ANKRD33B: variants seen among roughly 807,000 people sequenced by gnomAD.
ANKRD33B encodes the protein ankyrin repeat domain-containing protein 33B.
In ANKRD33B, 6 loss-of-function variants were observed where a neutral mutation model predicts 21.5. The observed-to-expected ratio is 0.28, with a 90% CI of 0.15 to 0.55. ANKRD33B has a LOEUF of 0.55. Among genes scored for constraint, ANKRD33B ranks in the 20% least tolerant of loss-of-function variants. ANKRD33B has a pLI of 0.94. For missense variants in ANKRD33B, 698 were observed against 747.2 expected, an observed-to-expected ratio of 0.93 and a Z score of 0.77; for synonymous variants, 347 against 342.4, an observed-to-expected ratio of 1.01 and a Z score of -0.15.
intron 2 of ANKRD33B, chr5:10,627,391 G>A (rs147714790): frequency 6.6e-6 from 1 of 152,214 alleles, no homozygotes; most frequent in Non-Finnish European, 1.5e-5. Flanking sequence ...CTTGTTTTGG[G>A]TATAAGGAAC....
chr5:10,574,487 A>C (rs1735273201), intron 1 of ANKRD33B, among the ~76,000 whole-genome samples: 1 of 152,238 alleles, frequency 6.6e-6, no homozygotes, highest in Non-Finnish European at 1.5e-5. Flanking sequence ...AAAGTAATAA[A>C]AATATTACAT....
At chr5:10,610,089 A>G (rs1175993342) in intron 1 of ANKRD33B, among the ~76,000 whole-genome samples, 1 of 152,236 alleles carries the variant, frequency 6.6e-6, no homozygotes, top group Admixed American at 6.5e-5. Flanking sequence ...AAGTGAAAAC[A>G]CAATAACAAT....
rs190733757 is a variant in ANKRD33B, at chr5:10,598,157, G to A, written c.367-20176G>A. 2.0e-4 allele frequency among the ~76,000 whole-genome samples: 30 copies of A among 152,250 alleles called. No individual in the cohort carries two copies. In the East Asian group the frequency reaches 2.9e-3, roughly 15 times the overall value. Reference sequence around the variant, plus strand: ...GGATGTGACCACCCCATTCAGTGGCGTCATCTCTACCTAGTGACTCCTAGG... The same window carrying A: ...GGATGTGACCACCCCATTCAGTGGCATCATCTCTACCTAGTGACTCCTAGG... On this transcript the variant is annotated intron_variant, in intron 1 of 3. Transcript: ENST00000296657.
chr5:10,574,813 C>G (rs1252687387), intron 1 of ANKRD33B, among the ~76,000 whole-genome samples: 1 of 151,280 alleles, frequency 6.6e-6, no homozygotes, highest in Non-Finnish European at 1.5e-5. Context: ...GCTGCAGTGG[C>G]TCACACCTGT....
chr5:10,644,690 G>C (rs896069888), intron 3 of ANKRD33B, among the ~76,000 whole-genome samples: 4 of 152,184 alleles, frequency 2.6e-5, no homozygotes, highest in African/African-American at 9.7e-5. Flanking sequence ...CCATATAGAG[G>C]TTTCTTTCTG....
rs999095729 is a variant in ANKRD33B at position 10,657,376 on chromosome 5, G to A, written c.*7263G>A. On this transcript the variant is annotated 3_prime_UTR_variant, in exon 4 of 4. Transcript: ENST00000296657. ...GAACAGATTCCTGCACAGGGTGCCAGGTTTCAAGTTAGGTCCTCTTAGTAT... is the reference window on the plus strand; with the variant it reads ...GAACAGATTCCTGCACAGGGTGCCAAGTTTCAAGTTAGGTCCTCTTAGTAT... 50 of 152,446 alleles carry A rather than the reference G, an allele frequency of 3.3e-4. No homozygotes were observed. The highest frequency in any genetic ancestry group is 1.2e-3 in the African/African-American group (50 of 41,570). 9.4% of individuals were successfully genotyped at this position (152,446 alleles called of 1,614,324 possible).
chr5:10,607,402 C>T (rs1287521373), intron 1 of ANKRD33B, among the ~76,000 whole-genome samples: 1 of 152,214 alleles, frequency 6.6e-6, no homozygotes, highest in Non-Finnish European at 1.5e-5. Context: ...CGTCCACCGT[C>T]TCTCGAAACT....
chr5:10,637,455 C>CACACACACACACAT (rs1736896575), intron 2 of ANKRD33B, among the ~76,000 whole-genome samples: 1 of 147,218 alleles, frequency 6.8e-6, no homozygotes, highest in Non-Finnish European at 1.5e-5. Flanking sequence ...CACACACACA[C>CACACACACACACAT]ACACACACGG....
intron 2 of ANKRD33B, among the ~76,000 whole-genome samples, chr5:10,637,653 C>T (rs752782746): frequency 8.6e-5 from 13 of 152,040 alleles, no homozygotes; most frequent in Non-Finnish European, 1.3e-4. Context: ...TTTGCACGGG[C>T]GTCTCCTGCT....
intron 2 of ANKRD33B, among the ~76,000 whole-genome samples, chr5:10,622,803 A>T (rs73744116): frequency 0.3 from 18,998 of 63,994 alleles, 1,859 homozygotes; most frequent in Non-Finnish European, 0.33. Context: ...GCTTTATTTT[A>T]TTTTATTTTT....
At chr5:10,597,557 C>T (rs928238818) in intron 1 of ANKRD33B, among the ~76,000 whole-genome samples, 1 of 152,138 alleles carries the variant, frequency 6.6e-6, no homozygotes, top group Admixed American at 6.5e-5. Flanking sequence ...TTGTAGAGAC[C>T]TACAAAGAGA....
In ANKRD33B at chr5:10,617,380, A is replaced by G. The variant is rs562113028; in HGVS notation, c.367-953A>G. ...TCCCACATCCTGTCGCTCTCATTTG[A>G]TGGCAACTGCATCCTCTCAGCTGCT... On this transcript the variant is annotated intron_variant, in intron 1 of 3. Transcript: ENST00000296657. Among the ~76,000 whole-genome samples the G allele has an allele frequency of 6.0e-4, 92 of 152,230 alleles. 2 individuals carry two copies. The South Asian group carries it at 0.018, about 30-fold the overall frequency.
intron 1 of ANKRD33B, among the ~76,000 whole-genome samples, chr5:10,591,981 T>C (rs4701874): frequency 0.56 from 85,082 of 151,478 alleles, 24,370 homozygotes; most frequent in East Asian, 0.7. Flanking sequence ...TCTCCATCAG[T>C]AAACTATTTT....
Position 10,564,378 on chromosome 5 carries a change from A to C in ANKRD33B, c.-90A>C. On this transcript the variant is annotated 5_prime_UTR_variant, in exon 1 of 4. Coordinates refer to ENST00000296657, the MANE Select transcript of ANKRD33B (RefSeq NM_001164440.2). ...CGGGCCACGGCTTCTCTGGGGACGC[A>C]GAAGCGAGAAGCGGGGACCTCGGCG... 1.1e-6 allele frequency: 1 copy of C among 894,604 alleles called. No homozygotes were observed. Among genetic ancestry groups the C allele is most frequent in the Non-Finnish European group, 1.3e-6 (1 of 742,128 alleles). 55.4% of individuals were successfully genotyped at this position (894,604 alleles called of 1,614,324 possible). A position where few individuals can be genotyped will look rare whatever the true frequency, so the allele number is the denominator to read the frequency against.
At chr5:10,640,707 T>A (rs537678344) in intron 3 of ANKRD33B, among the ~76,000 whole-genome samples, 1 of 152,358 alleles carries the variant, frequency 6.6e-6, no homozygotes, top group South Asian at 2.1e-4. Flanking sequence ...GCGCTGCAAG[T>A]TCCTGAAGAA....
chr5:10,590,527 C>T (rs922931560), intron 1 of ANKRD33B, among the ~76,000 whole-genome samples: 4 of 152,172 alleles, frequency 2.6e-5, no homozygotes, highest in African/African-American at 4.8e-5. Context: ...CCACATGAGG[C>T]CCAGGATGAC....
chr5:10,584,378 T>C (rs1430716988), intron 1 of ANKRD33B, among the ~76,000 whole-genome samples: 1 of 152,098 alleles, frequency 6.6e-6, no homozygotes, highest in Admixed American at 6.5e-5. Context: ...AGACCCTGTC[T>C]CTACAAAAAA....
intron 2 of ANKRD33B, among the ~76,000 whole-genome samples, chr5:10,624,537 C>T (rs1736500843): frequency 6.6e-6 from 1 of 152,116 alleles, no homozygotes; most frequent in African/African-American, 2.4e-5. Flanking sequence ...GGGCTCTGAT[C>T]CCTGGACACC....
In ANKRD33B at chr5:10,619,298, A is replaced by G; in HGVS notation, c.496+836A>G. ...CAGGCGCTTGTGTGTTGAAGGAAGG[A>G]GGGGAAGCTTACACGGTTGTCGGGT... On this transcript the variant is annotated intron_variant, in intron 2 of 3. Coordinates refer to ENST00000296657, the MANE Select transcript of ANKRD33B (RefSeq NM_001164440.2). The surrounding 1 kb of genome is among the most constrained non-coding windows in gnomAD (Gnocchi z 4.5). 1.0e-6 allele frequency: 1 copy of G among 985,416 alleles called. No individual in the cohort carries two copies. Among genetic ancestry groups the G allele is most frequent in the South Asian group, 4.7e-5 (1 of 21,278 alleles). 61.0% of individuals were successfully genotyped at this position (985,416 alleles called of 1,614,324 possible). A position where few individuals can be genotyped will look rare whatever the true frequency, so the allele number is the denominator to read the frequency against.
Sources: allele counts gnomAD v4.1 joint callset (sites outside exome capture counted in the v4.1 genomes callset), GRCh38; gene constraint gnomAD v4.1.1; non-coding constraint Gnocchi (gnomAD v3.1); transcripts MANE v1.5; gene names NCBI Gene and HGNC (gene_info 2026-07-23, HGNC 2026-07-21).